Variants in HPGD observed in about 807,000 individuals in gnomAD.
The protein encoded by HPGD is 15-hydroxyprostaglandin dehydrogenase [NAD(+)].
HPGD carries 29 observed loss-of-function variants against 30.0 expected under a neutral mutation model. The observed-to-expected ratio is 0.97, with a 90% CI of 0.72 to 1.32. The LOEUF is 1.32. HPGD is among the 40% of genes most tolerant of loss of function. HPGD has a pLI of 0.00. For synonymous variants in HPGD, 99 were observed against 112.4 expected, an observed-to-expected ratio of 0.88 and a Z score of 0.75; for missense variants, 340 against 322.1, an observed-to-expected ratio of 1.06 and a Z score of -0.43.
intron 5 of HPGD, 38 bp downstream of exon 5, chr4:174,495,509 CA>C: frequency 2.1e-6 from 3 of 1,442,988 alleles, no homozygotes; most frequent in Non-Finnish European, 2.9e-6. Context: ...TAAATGTGTA[CA>C]AAGAGAAAAT....
chr4:174,491,101 G>A lies in HPGD; in HGVS notation c.*855C>T, dbSNP rs1170416686. ...GAGATCAGAATAAAAAAGTTTTATT[G>A]AAGGGTAGGCACTTTTGAAATTTGG... On this transcript the variant is annotated 3_prime_UTR_variant, in exon 7 of 7. Coordinates refer to ENST00000296522, the MANE Select transcript of HPGD (RefSeq NM_000860.6). 1 of 152,608 alleles carries A rather than the reference G, an allele frequency of 6.6e-6. No homozygotes were observed. Among genetic ancestry groups the A allele is most frequent in the Non-Finnish European group, 1.5e-5 (1 of 67,958 alleles). The allele number at this position is 152,608 out of a possible 1,614,324, so 9.5% of individuals were successfully genotyped here. A position where few individuals can be genotyped will look rare whatever the true frequency, so the allele number is the denominator to read the frequency against.
At chr4:174,517,333 A>G (rs1212880917) in intron 3 of HPGD, among the ~76,000 whole-genome samples, 2 of 151,976 alleles carry the variant, frequency 1.3e-5, no homozygotes, top group Non-Finnish European at 2.9e-5. Flanking sequence ...CCTACTAATT[A>G]CAAAGTTCGA....
intron 4 of HPGD, among the ~76,000 whole-genome samples, chr4:174,502,147 C>CA (rs1213349930): frequency 6.6e-6 from 1 of 151,290 alleles, no homozygotes; most frequent in Non-Finnish European, 1.5e-5. Flanking sequence ...CCAACAACAA[C>CA]AAAAAAATGT....
chr4:174,493,117 T>C (rs2052318613), intron 6 of HPGD, 34 bp downstream of exon 6: 2 of 1,492,508 alleles, frequency 1.3e-6, no homozygotes, highest in Admixed American at 3.7e-5. Flanking sequence ...CTTTGCTTCA[T>C]CATTTAAAAG....
chr4:174,502,510 C>G lies in HPGD; in HGVS notation c.421+6186G>C, dbSNP rs11943385. ...TGGCTAACACGGTGAAACCCCGTCT[C>G]TACTAAAAATACAAAAAATTAGCCA... On this transcript the variant is annotated intron_variant, in intron 4 of 6. Coordinates refer to ENST00000296522, the MANE Select transcript of HPGD (RefSeq NM_000860.6). Among the ~76,000 whole-genome samples, 1,004 of 152,094 alleles carry G rather than the reference C, an allele frequency of 6.6e-3. 12 individuals carry two copies. Among genetic ancestry groups the G allele is most frequent in the African/African-American group, 0.023 (950 of 41,506 alleles).
At chr4:174,503,519 A>G (rs1416951086) in intron 4 of HPGD, among the ~76,000 whole-genome samples, 3 of 152,150 alleles carry the variant, frequency 2.0e-5, no homozygotes, top group African/African-American at 7.2e-5. Flanking sequence ...GCAATTGCTC[A>G]ATATGTGTTA....
In HPGD at chr4:174,500,508, T is replaced by C. The variant is rs1373625658; in HGVS notation, c.422-4884A>G. Among the ~76,000 whole-genome samples, 3 of 152,242 alleles carry C rather than the reference T, an allele frequency of 2.0e-5. No homozygotes were observed. The East Asian group carries it at 5.8e-4, about 29-fold the overall frequency. On this transcript the variant is annotated intron_variant, in intron 4 of 6. Transcript: ENST00000296522. ...TTGGAAGCAACCTAGTGTCCTTTAG[T>C]AGTTGAATGAACAAATAAACTGTGG...
Position 174,517,995 on chromosome 4 carries a change from C to T in HPGD, c.300G>A (p.Trp100Ter). Residue 100 changes from tryptophan (W) to a stop codon, truncating the protein, a stop_gained, in exon 3 of 7, where the codon TGG becomes TGA. Transcript: ENST00000296522. LOFTEE classifies it high-confidence loss of function. ...NNAGVNNEKNWEKTLQINLVS... is the reference protein window; with the variant it reads ...NNAGVNNEKN ...CCAAATTAATTTGCAGAGTTTTTTC[C>T]CAGTTTTTCTCATTATTCACTCCAG... 2 of 1,589,450 alleles carry T rather than the reference C, an allele frequency of 1.3e-6. No homozygotes were observed. The highest frequency in any genetic ancestry group is 8.6e-7 in the Non-Finnish European group (1 of 1,158,024).
rs763652617 is a variant in HPGD at position 174,495,599 on chromosome 4, C to T, written c.447G>A (p.Pro149=). ...TGCCATGCTTTGAAGCACAATAAAC[C>T]GGCTGCTGTGCAACGGGCATGAGTC... is the stretch of plus-strand genomic sequence containing the variant. ...LAGLMPVAQQ[P]VYCASKHGIV... Residue 149 remains proline (P), a synonymous_variant, in exon 5 of 7, where the codon CCG becomes CCA. Transcript: ENST00000296522. 8.7e-6 allele frequency: 14 copies of T among 1,613,730 alleles called. No homozygotes were observed. The highest frequency in any genetic ancestry group is 7.7e-5 in the South Asian group (7 of 91,080).
At position 174,490,445 on chromosome 4, in the gene HPGD, T is replaced by C. The variant is rs539552730; in HGVS notation, c.*1511A>G. ...TCCATAAATGAAAAGGTTATACTAT[T>C]TACACGACAGAGGAAAAATACAGAA... On this transcript the variant is annotated 3_prime_UTR_variant, in exon 7 of 7. Coordinates refer to ENST00000296522, the MANE Select transcript of HPGD (RefSeq NM_000860.6). This position sits in a 1 kb window ranked among gnomAD's most constrained non-coding sequence, Gnocchi z 4.4. 12 of 152,468 alleles carry C rather than the reference T, an allele frequency of 7.9e-5. No individual in the cohort carries two copies. In the East Asian group the frequency reaches 2.3e-3, roughly 29 times the overall value. 9.4% of individuals were successfully genotyped at this position (152,468 alleles called of 1,614,324 possible).
intron 2 of HPGD, among the ~76,000 whole-genome samples, chr4:174,520,559 T>C (rs751717787): frequency 3.3e-5 from 5 of 152,270 alleles, no homozygotes; most frequent in African/African-American, 4.8e-5. Context: ...GGGTCACTTA[T>C]GTGTCTGAGT....
intron 3 of HPGD, among the ~76,000 whole-genome samples, chr4:174,516,818 T>C (rs147332297): frequency 1.3e-5 from 2 of 152,336 alleles, no homozygotes; most frequent in Admixed American, 6.5e-5. Flanking sequence ...CAAGTTATTA[T>C]AGCAGTTAGG....
In HPGD at chr4:174,504,329, T is replaced by A. The variant is rs546935279; in HGVS notation, c.421+4367A>T. ...CATGCTGAAAATTTTGTATGATTTT[T>A]AAATATTTTCTGGAGACTCCAATGT... On this transcript the variant is annotated intron_variant, in intron 4 of 6. Transcript: ENST00000296522. 5.3e-5 allele frequency among the ~76,000 whole-genome samples: 8 copies of A among 152,290 alleles called. No homozygotes were observed. The South Asian group carries it at 1.5e-3, about 28-fold the overall frequency.
Position 174,494,440 on chromosome 4 carries a change from T to G in HPGD, c.498+1108A>C, listed in dbSNP as rs1734485308. Among the ~76,000 whole-genome samples the G allele has an allele frequency of 6.6e-6, 1 of 152,214 alleles. No individual in the cohort carries two copies. On this transcript the variant is annotated intron_variant, in intron 5 of 6. Coordinates refer to ENST00000296522, the MANE Select transcript of HPGD (RefSeq NM_000860.6). This position sits in a 1 kb window ranked among gnomAD's most constrained non-coding sequence, Gnocchi z 4.9. ...ATACTGAGAATTGACTGTAGAAGTT[T>G]CCAGTCTTGTAATTTTAAATATAAA... is the stretch of plus-strand genomic sequence containing the variant.
At chr4:174,519,894 C>T (rs942508432) in intron 2 of HPGD, among the ~76,000 whole-genome samples, 5 of 152,178 alleles carry the variant, frequency 3.3e-5, no homozygotes, top group African/African-American at 1.2e-4. Flanking sequence ...GTCTCGATCT[C>T]CTGACCTCGT....
chr4:174,508,581 G>A lies in HPGD; in HGVS notation c.421+115C>T, dbSNP rs191709209. On this transcript the variant is annotated intron_variant, in intron 4 of 6. Transcript: ENST00000296522. ...AGAAAATTCCATGGAACTATAAAACGATCAGATTTTTAATTTCCAACTTGA... is the reference window on the plus strand; with the variant it reads ...AGAAAATTCCATGGAACTATAAAACAATCAGATTTTTAATTTCCAACTTGA... The A allele has an allele frequency of 2.9e-3, 2,165 of 738,436 alleles. 40 individuals carry two copies. Among genetic ancestry groups the A allele is most frequent in the African/African-American group, 7.3e-3 (420 of 57,858 alleles). The allele number at this position is 738,436 out of a possible 1,614,324, so 45.7% of individuals were successfully genotyped here.
At chr4:174,508,241 C>T in intron 4 of HPGD, 1 of 647,484 alleles carries the variant, frequency 1.5e-6, no homozygotes, top group Admixed American at 2.2e-5. Context: ...GCTTATACTA[C>T]ATGTAAGTTT....
rs1734480271 is a variant in HPGD, at chr4:174,494,317, C to A, written c.499-1003G>T. 6.6e-6 allele frequency among the ~76,000 whole-genome samples: 1 copy of A among 152,242 alleles called. No individual in the cohort carries two copies. Among genetic ancestry groups the A allele is most frequent in the African/African-American group, 2.4e-5 (1 of 41,558 alleles). ...TTGATTGGAGTTTTGTGACCAGAGG[C>A]TTTCAGGAACTTAACCCTCTATTTC... On this transcript the variant is annotated intron_variant, in intron 5 of 6. Transcript: ENST00000296522. The surrounding 1 kb of genome is among the most constrained non-coding windows in gnomAD (Gnocchi z 4.9).
Position 174,495,446 on chromosome 4 carries a change from C to A in HPGD, c.498+102G>T, listed in dbSNP as rs558927963. On this transcript the variant is annotated intron_variant, in intron 5 of 6. Transcript: ENST00000296522. ...AGATGGAGGTATGTCATTTTTCCAC[C>A]TTTCATCCAAGTGATTTCTCAAGTG... 3.3e-6 allele frequency: 3 copies of A among 901,970 alleles called. No homozygotes were observed. In the East Asian group the frequency reaches 7.3e-5, roughly 22 times the overall value. 55.9% of individuals were successfully genotyped at this position (901,970 alleles called of 1,614,324 possible).
Sources: allele counts gnomAD v4.1 joint callset (sites outside exome capture counted in the v4.1 genomes callset), GRCh38; gene constraint gnomAD v4.1.1; non-coding constraint Gnocchi (gnomAD v3.1); transcripts MANE v1.5; gene names NCBI Gene and HGNC (gene_info 2026-07-23, HGNC 2026-07-21).